GPA33: variants seen among roughly 807,000 people sequenced by gnomAD.
GPA33 encodes cell surface A33 antigen.
A neutral mutation model predicts 35.6 loss-of-function variants in GPA33; 27 were observed. The observed-to-expected ratio is 0.76, with a 90% CI of 0.56 to 1.04. The LOEUF is 1.04. Ranked by LOEUF, GPA33 falls within the 50% of genes least tolerant of loss-of-function variation. The probability of loss-of-function intolerance (pLI) is 0.00; values close to 1 mark genes in which losing one functional copy is unlikely to be tolerated. For missense variants in GPA33, 428 were observed against 411.9 expected, an observed-to-expected ratio of 1.04 and a Z score of -0.34; for synonymous variants, 176 against 164.0, an observed-to-expected ratio of 1.07 and a Z score of -0.56.
intron 1 of GPA33, among the ~76,000 whole-genome samples, chr1:167,087,521 C>T (rs993738343): frequency 2.0e-5 from 3 of 152,142 alleles, no homozygotes; most frequent in Admixed American, 2.0e-4. Flanking sequence ...CCCCTTTGGT[C>T]CCCTGGGATG....
intron 3 of GPA33, 114 bp from the exon 4 acceptor site, chr1:167,063,851 C>A: frequency 4.3e-6 from 3 of 690,830 alleles, no homozygotes; most frequent in East Asian, 2.9e-5. Context: ...TGTTCACAGG[C>A]AGAAAACTCC....
At chr1:167,063,155 C>T (rs750677219) in intron 4 of GPA33, among the ~76,000 whole-genome samples, 29 of 152,210 alleles carry the variant, frequency 1.9e-4, no homozygotes, top group Non-Finnish European at 4.1e-4. Flanking sequence ...TGGCCGGGCG[C>T]GATGGCTCAC....
chr1:167,057,937 G>A (rs1033031017), intron 4 of GPA33, among the ~76,000 whole-genome samples: 1 of 152,162 alleles, frequency 6.6e-6, no homozygotes, highest in Admixed American at 6.5e-5. Flanking sequence ...ATTGGCTCAC[G>A]CCTGTAATCC....
chr1:167,082,665 T>A (rs2102202308), intron 1 of GPA33, among the ~76,000 whole-genome samples: 1 of 152,328 alleles, frequency 6.6e-6, no homozygotes, highest in East Asian at 1.9e-4. Flanking sequence ...AAGTGTCACC[T>A]GTTCCCCAAA....
intron 1 of GPA33, among the ~76,000 whole-genome samples, chr1:167,081,315 C>G (rs921016646): frequency 6.6e-6 from 1 of 152,148 alleles, no homozygotes; most frequent in Non-Finnish European, 1.5e-5. Context: ...GGAGGAGATT[C>G]TGGAGGCCAG....
chr1:167,057,142 C>T (rs1197125659), intron 4 of GPA33, among the ~76,000 whole-genome samples: 1 of 151,396 alleles, frequency 6.6e-6, no homozygotes, highest in Admixed American at 6.6e-5. Context: ...TTGAGCAAGC[C>T]ATTTAACTTC....
intron 1 of GPA33, among the ~76,000 whole-genome samples, chr1:167,085,972 T>C (rs1222783175): frequency 6.6e-6 from 1 of 152,210 alleles, no homozygotes; most frequent in Admixed American, 6.5e-5. Flanking sequence ...TATTTTCACT[T>C]CCCAGGTGAC....
Position 167,055,825 on chromosome 1 carries a change from T to C in GPA33, c.596A>G (p.Lys199Arg). ...QPASGQPVSLKNISTDTSGYY... is the reference protein window; with the variant it reads ...QPASGQPVSLRNISTDTSGYY... ...ACCCGATGTGTCTGTGGAGATATTC[T>C]TCAGGGAGACAGGCTGACCTGAGGC... Residue 199 changes from lysine (K) to arginine (R), a missense_variant, in exon 5 of 7, where the codon AAG becomes AGG. Physicochemically the swap from Lys to Arg is conservative, Grantham distance 26. Transcript: ENST00000367868. The C allele has an allele frequency of 6.2e-7, 1 of 1,613,902 alleles. No individual in the cohort carries two copies.
chr1:167,074,177 G>A (rs983977968), intron 1 of GPA33, among the ~76,000 whole-genome samples: 12 of 151,712 alleles, frequency 7.9e-5, no homozygotes, highest in African/African-American at 1.9e-4. Flanking sequence ...CTCTTGCCAC[G>A]TGATGTTGAC....
At chr1:167,056,771 TGTGTGGC>T (rs1558002055) in intron 4 of GPA33, among the ~76,000 whole-genome samples, 11 of 148,524 alleles carry the variant, frequency 7.4e-5, no homozygotes, top group South Asian at 2.2e-4. Flanking sequence ...GTGTGTGGTG[TGTGTGGC>T]ATGTGTAGTG....
At chr1:167,062,496 C>T (rs2102176934) in intron 4 of GPA33, among the ~76,000 whole-genome samples, 1 of 152,210 alleles carries the variant, frequency 6.6e-6, no homozygotes, top group Middle Eastern at 3.4e-3. Context: ...GCTGGGATTA[C>T]AGGCATGAGC....
intron 1 of GPA33, among the ~76,000 whole-genome samples, chr1:167,083,422 G>A (rs569876588): frequency 1.3e-5 from 2 of 152,268 alleles, no homozygotes; most frequent in East Asian, 3.9e-4. Flanking sequence ...GCTAGGGGAG[G>A]TTCAGAAGGG....
At chr1:167,070,201 T>C (rs144038020) in intron 2 of GPA33, among the ~76,000 whole-genome samples, 167 of 151,876 alleles carry the variant, frequency 1.1e-3, no homozygotes, top group African/African-American at 3.8e-3. Flanking sequence ...GAGAAAGAAT[T>C]AGATGTGGGA....
In GPA33 at chr1:167,069,118, C is replaced by T. The variant is rs144380186; in HGVS notation, c.219G>A (p.Pro73=). 327 of 1,613,376 alleles carry T rather than the reference C, an allele frequency of 2.0e-4. 1 individual carries two copies. Among genetic ancestry groups the T allele is most frequent in the African/African-American group, 2.0e-3 (148 of 74,992 alleles). ...CATGGATGTAGTTTTTGTTTGAAAA[C>T]GGCCAGATGACCACCCTTTCCTGGA... is the stretch of plus-strand genomic sequence containing the variant. ...LTHTERVVIW[P]FSNKNYIHGE... Residue 73 remains proline, a synonymous_variant, in exon 3 of 7, where the codon CCG becomes CCA. Transcript: ENST00000367868.
intron 3 of GPA33, among the ~76,000 whole-genome samples, chr1:167,068,398 G>T (rs945161406): frequency 2.0e-5 from 3 of 152,166 alleles, no homozygotes; most frequent in African/African-American, 7.2e-5. Context: ...TCATTCCTAT[G>T]AAAAGAATGT....
At chr1:167,072,335 T>A (rs1284737130) in intron 2 of GPA33, among the ~76,000 whole-genome samples, 7 of 152,186 alleles carry the variant, frequency 4.6e-5, no homozygotes. Context: ...TAAAGAAATG[T>A]TAATTTGATG....
chr1:167,055,893 G>A, intron 4 of GPA33, 44 bp from the exon 5 acceptor site: 2 of 1,609,444 alleles, frequency 1.2e-6, no homozygotes, highest in Non-Finnish European at 1.7e-6. Context: ...CACTACAGTG[G>A]AGTGGAGACA....
intron 1 of GPA33, among the ~76,000 whole-genome samples, chr1:167,084,590 C>T (rs978501986): frequency 6.6e-6 from 1 of 152,154 alleles, no homozygotes; most frequent in African/African-American, 2.4e-5. Flanking sequence ...AACTTCTTGT[C>T]TCTTTAGATG....
chr1:167,058,066 G>T (rs1666348640), intron 4 of GPA33, among the ~76,000 whole-genome samples: 1 of 152,180 alleles, frequency 6.6e-6, no homozygotes, highest in African/African-American at 2.4e-5. Context: ...GGGCATGGTG[G>T]TGTGCGCCTC....
Sources: allele counts gnomAD v4.1 joint callset (sites outside exome capture counted in the v4.1 genomes callset), GRCh38; gene constraint gnomAD v4.1.1; transcripts MANE v1.5; gene names NCBI Gene and HGNC (gene_info 2026-07-23, HGNC 2026-07-21).